FHIT: variants seen among roughly 807,000 people sequenced by gnomAD.
The protein encoded by FHIT is fragile histidine triad diadenosine triphosphatase.
In FHIT, 19 loss-of-function variants were observed where a neutral mutation model predicts 17.9. That is an observed-to-expected ratio of 1.06 (90% CI 0.74 to 1.56). FHIT has a LOEUF of 1.56. Ranked by LOEUF, FHIT falls within the 40% of genes most tolerant of loss-of-function variation. The pLI is 0.00. For missense variants in FHIT, 248 were observed against 189.2 expected (o/e 1.31, Z -1.82); for synonymous variants, 81 against 69.7 (o/e 1.16, Z -0.81).
At chr3:61,155,314 T>C (rs2037503750) in intron 2 of FHIT, among the ~76,000 whole-genome samples, 1 of 152,120 alleles carries the variant, frequency 6.6e-6, no homozygotes, top group African/African-American at 2.4e-5. Context: ...GCTACAGCCC[T>C]AAAAAAACAG....
At chr3:59,831,829 C>G (rs1275926752) in intron 8 of FHIT, among the ~76,000 whole-genome samples, 1 of 151,972 alleles carries the variant, frequency 6.6e-6, no homozygotes, top group Non-Finnish European at 1.5e-5. Context: ...AACAAAATGC[C>G]AAAAAGCAGG....
intron 5 of FHIT, among the ~76,000 whole-genome samples, chr3:60,322,349 T>G (rs213386): frequency 2.6e-4 from 39 of 152,046 alleles, no homozygotes; most frequent in Admixed American, 1.8e-3. Flanking sequence ...ACATGTGACA[T>G]CCCATTAACT....
intron 5 of FHIT, among the ~76,000 whole-genome samples, chr3:60,142,225 G>C (rs1320668445): frequency 6.6e-6 from 1 of 152,088 alleles, no homozygotes; most frequent in African/African-American, 2.4e-5. Flanking sequence ...CCCTGAACAA[G>C]TTACATAAAC....
intron 5 of FHIT, among the ~76,000 whole-genome samples, chr3:60,197,021 A>G (rs535663782): frequency 6.6e-6 from 1 of 152,336 alleles, no homozygotes; most frequent in East Asian, 1.9e-4. Flanking sequence ...ATACATATAT[A>G]CGTAGACAGA....
At chr3:60,849,904 C>T (rs797036806) in intron 3 of FHIT, among the ~76,000 whole-genome samples, 4 of 152,150 alleles carry the variant, frequency 2.6e-5, no homozygotes, top group African/African-American at 9.6e-5. Flanking sequence ...CGTGACTTCC[C>T]CCACTTCTAC....
At chr3:60,664,673 A>AG (rs1271820479) in intron 4 of FHIT, among the ~76,000 whole-genome samples, 3 of 148,890 alleles carry the variant, frequency 2.0e-5, no homozygotes, top group African/African-American at 7.4e-5. Flanking sequence ...GGACTAGGCT[A>AG]GGGCTGTTCA....
chr3:60,751,865 CT>C (rs1286824200), intron 4 of FHIT, among the ~76,000 whole-genome samples: 1 of 151,946 alleles, frequency 6.6e-6, no homozygotes, highest in African/African-American at 2.4e-5. Flanking sequence ...CAGAAACAAT[CT>C]AAATGCCCAT....
At chr3:59,916,248 G>A (rs993830262) in intron 8 of FHIT, among the ~76,000 whole-genome samples, 2 of 152,054 alleles carry the variant, frequency 1.3e-5, no homozygotes, top group African/African-American at 4.8e-5. Context: ...TCCTGCCCTC[G>A]AACATCGGAC....
intron 2 of FHIT, among the ~76,000 whole-genome samples, chr3:61,044,081 G>C (rs536451318): frequency 5.9e-5 from 9 of 152,176 alleles, no homozygotes; most frequent in Non-Finnish European, 1.2e-4. Flanking sequence ...TCTTCTCCTC[G>C]AAAGGAACGC....
intron 4 of FHIT, among the ~76,000 whole-genome samples, chr3:60,807,748 A>G (rs1701446671): frequency 6.6e-6 from 1 of 152,118 alleles, no homozygotes; most frequent in African/African-American, 2.4e-5. Flanking sequence ...AAGTACAGCC[A>G]TGGTTTCTGC....
At chr3:61,038,585 G>C (rs1217660664) in intron 3 of FHIT, among the ~76,000 whole-genome samples, 1 of 152,132 alleles carries the variant, frequency 6.6e-6, no homozygotes, top group Non-Finnish European at 1.5e-5. Context: ...AATAATTACT[G>C]TTTATATTGC....
chr3:59,908,384 T>G (rs370303485), intron 8 of FHIT, among the ~76,000 whole-genome samples: 1 of 152,190 alleles, frequency 6.6e-6, no homozygotes, highest in African/African-American at 2.4e-5. Flanking sequence ...TTTGAGCCCA[T>G]GAGAAGAACT....
intron 4 of FHIT, among the ~76,000 whole-genome samples, chr3:60,764,985 T>C (rs1699798779): frequency 6.6e-6 from 1 of 152,156 alleles, no homozygotes; most frequent in Non-Finnish European, 1.5e-5. Context: ...TTTACCTCAG[T>C]GGCACTGGTC....
At chr3:59,932,191 A>T (rs1464652605) in intron 7 of FHIT, among the ~76,000 whole-genome samples, 2 of 152,164 alleles carry the variant, frequency 1.3e-5, no homozygotes, top group Non-Finnish European at 2.9e-5. Context: ...TGCAAGCCTG[A>T]GTAGCTCATC....
chr3:59,905,763 C>G (rs1261955875), intron 8 of FHIT, among the ~76,000 whole-genome samples: 1 of 152,118 alleles, frequency 6.6e-6, no homozygotes, highest in African/African-American at 2.4e-5. Flanking sequence ...ACGTAACTTC[C>G]TCCTGTGACA....
chr3:60,385,525 TAA>T (rs1700973327), intron 5 of FHIT, among the ~76,000 whole-genome samples: 1 of 152,250 alleles, frequency 6.6e-6, no homozygotes, highest in Non-Finnish European at 1.5e-5. Context: ...TCATTTTATA[TAA>T]GTTAGTTATC....
intron 1 of FHIT, among the ~76,000 whole-genome samples, chr3:61,206,596 C>G (rs922930540): frequency 1.3e-5 from 2 of 152,164 alleles, no homozygotes; most frequent in African/African-American, 4.8e-5. Context: ...AATGGGAGTT[C>G]ACTCATGATT....
chr3:60,682,540 A>G (rs532088354), intron 4 of FHIT, among the ~76,000 whole-genome samples: 3 of 152,198 alleles, frequency 2.0e-5, no homozygotes, highest in Non-Finnish European at 2.9e-5. Context: ...ATGACAGTAC[A>G]TCTGTTTATA....
chr3:59,849,268 G>A (rs866677400), intron 8 of FHIT, among the ~76,000 whole-genome samples: 24 of 152,182 alleles, frequency 1.6e-4, no homozygotes, highest in Admixed American at 4.6e-4. Flanking sequence ...AGCTACTCAG[G>A]AGGCTGAGGC....
Sources: allele counts gnomAD v4.1 joint callset (sites outside exome capture counted in the v4.1 genomes callset), GRCh38; gene constraint gnomAD v4.1.1; transcripts MANE v1.5; gene names NCBI Gene and HGNC (gene_info 2026-07-23, HGNC 2026-07-21).